The following MYO18B variants were observed in gnomAD, a reference collection of about 807,000 sequenced individuals.
MYO18B encodes myosin XVIIIB.
In MYO18B, 204 loss-of-function variants were observed where a neutral mutation model predicts 273.0. That is an observed-to-expected ratio of 0.75 (90% CI 0.67 to 0.84). MYO18B has a LOEUF of 0.84. Ranked by LOEUF, MYO18B falls within the 40% of genes least tolerant of loss-of-function variation. MYO18B has a pLI of 0.00. For missense variants in MYO18B, 3,212 were observed against 3,287.6 expected, an observed-to-expected ratio of 0.98 and a Z score of 0.56; for synonymous variants, 1,330 against 1,305.7, an observed-to-expected ratio of 1.02 and a Z score of -0.40.
chr22:25,987,984 G>A (rs892338101), intron 39 of MYO18B, among the ~76,000 whole-genome samples: 28 of 152,068 alleles, frequency 1.8e-4, no homozygotes, highest in African/African-American at 6.8e-4. Flanking sequence ...AATCTCTAAA[G>A]AGAGCTAATA....
intron 34 of MYO18B, among the ~76,000 whole-genome samples, chr22:25,942,639 C>T (rs139533743): frequency 2.5e-3 from 387 of 152,226 alleles, no homozygotes; most frequent in African/African-American, 8.3e-3. Context: ...TCTCAGAGTC[C>T]GCCTTTATCA....
chr22:25,838,855 G>A (rs981394501), intron 17 of MYO18B, among the ~76,000 whole-genome samples: 5 of 144,096 alleles, frequency 3.5e-5, no homozygotes, highest in Non-Finnish European at 7.5e-5. Flanking sequence ...ATATGTGTAT[G>A]TGTGTGAACA....
the MYO18B span, among the ~76,000 whole-genome samples, chr22:26,040,621 G>C: frequency 6.6e-5 from 10 of 152,286 alleles, no homozygotes; most frequent in East Asian, 9.6e-4. Context: ...GCAGGAGAAG[G>C]CCTCCTTGGG....
At chr22:26,002,033 A>C (rs1159080688) in intron 40 of MYO18B, among the ~76,000 whole-genome samples, 2 of 152,214 alleles carry the variant, frequency 1.3e-5, no homozygotes, top group Non-Finnish European at 2.9e-5. Flanking sequence ...CCTGTACAGA[A>C]ACATATTCCC....
chr22:25,835,939 C>T (rs549144460), intron 17 of MYO18B, among the ~76,000 whole-genome samples: 5 of 152,306 alleles, frequency 3.3e-5, no homozygotes, highest in Admixed American at 3.3e-4. Context: ...TGAAGGATTC[C>T]AGGCAGTGGG....
intron 34 of MYO18B, among the ~76,000 whole-genome samples, chr22:25,928,534 C>T (rs960945893): frequency 3.3e-5 from 5 of 152,082 alleles, no homozygotes; most frequent in Non-Finnish European, 4.4e-5. Context: ...GGGCAGGCAC[C>T]CCCTCTGTTC....
In MYO18B at chr22:25,843,773, T is replaced by C; in HGVS notation, c.3247T>C (p.Cys1083Arg). 1.2e-6 allele frequency: 2 copies of C among 1,613,860 alleles called. No individual in the cohort carries two copies. Among genetic ancestry groups the C allele is most frequent in the Non-Finnish European group, 1.7e-6 (2 of 1,179,784 alleles). Residue 1083 changes from cysteine to arginine, a missense_variant, in exon 18 of 44, where the codon TGT becomes CGT. Transcript: ENST00000335473. ...ALRTCEQPLQ[C>R]EIFHQLGWDP... ...GCGGACCTGTGAGCAGCCCCTCCAG[T>C]GTGAGATTTTCCACCAGTTGGGATG...
intron 39 of MYO18B, among the ~76,000 whole-genome samples, chr22:25,965,385 TAGG>T (rs2092966670): frequency 6.6e-6 from 1 of 152,154 alleles, no homozygotes; most frequent in African/African-American, 2.4e-5. Context: ...AGGAGATGAT[TAGG>T]AGATGAATTT....
chr22:25,938,415 C>A (rs1241594986), intron 34 of MYO18B, among the ~76,000 whole-genome samples: 2 of 152,282 alleles, frequency 1.3e-5, no homozygotes, highest in East Asian at 3.9e-4. Flanking sequence ...GGAACAGAGA[C>A]TAGTGTGTAG....
chr22:26,055,296 A>G, the MYO18B span, among the ~76,000 whole-genome samples: 2 of 152,194 alleles, frequency 1.3e-5, no homozygotes, highest in Non-Finnish European at 2.9e-5. Context: ...GGGAGAAACT[A>G]TCATCTATCT....
the MYO18B span, among the ~76,000 whole-genome samples, chr22:26,047,721 TAACTTGAAA>T: frequency 6.6e-6 from 1 of 152,174 alleles, no homozygotes; most frequent in Non-Finnish European, 1.5e-5. Flanking sequence ...ATATATAAAA[TAACTTGAAA>T]ATATTTCATT....
At chr22:25,788,037 T>C (rs1260500846) in intron 11 of MYO18B, among the ~76,000 whole-genome samples, 1 of 152,206 alleles carries the variant, frequency 6.6e-6, no homozygotes, top group Non-Finnish European at 1.5e-5. Flanking sequence ...CATAAAGCCA[T>C]TGGTCACAGC....
intron 21 of MYO18B, among the ~76,000 whole-genome samples, chr22:25,866,167 C>G (rs569087539): frequency 6.8e-6 from 1 of 146,372 alleles, no homozygotes; most frequent in African/African-American, 2.5e-5. Context: ...CTCATAATAC[C>G]TTTTGCTTCC....
chr22:26,023,316 T>C (rs982885734), intron 42 of MYO18B, among the ~76,000 whole-genome samples: 6 of 152,228 alleles, frequency 3.9e-5, no homozygotes, highest in Non-Finnish European at 8.8e-5. Flanking sequence ...TCGACAGCAT[T>C]TGCTGAGCAT....
At chr22:25,842,772 G>A (rs1210103265) in intron 17 of MYO18B, among the ~76,000 whole-genome samples, 1 of 151,932 alleles carries the variant, frequency 6.6e-6, no homozygotes, top group Non-Finnish European at 1.5e-5. Flanking sequence ...AATAGTTAGA[G>A]TAATATTATA....
chr22:26,020,525 A>C (rs1935720221), intron 42 of MYO18B, among the ~76,000 whole-genome samples: 1 of 152,204 alleles, frequency 6.6e-6, no homozygotes, highest in Non-Finnish European at 1.5e-5. Context: ...AGGTCATTAA[A>C]AGCAATCAGA....
intron 40 of MYO18B, among the ~76,000 whole-genome samples, chr22:25,996,912 C>T (rs570855702): frequency 1.3e-5 from 2 of 152,258 alleles, no homozygotes; most frequent in South Asian, 4.1e-4. Flanking sequence ...TTTCTCCTAC[C>T]TTTCTTCTCC....
At chr22:25,879,961 C>A (rs2091294471) in intron 25 of MYO18B, among the ~76,000 whole-genome samples, 1 of 152,166 alleles carries the variant, frequency 6.6e-6, no homozygotes, top group South Asian at 2.1e-4. Flanking sequence ...AGGGGGAAAT[C>A]TGTCCCCATG....
chr22:25,748,948 C>A (rs940333609), intron 1 of MYO18B, among the ~76,000 whole-genome samples: 6 of 152,222 alleles, frequency 3.9e-5, no homozygotes, highest in Non-Finnish European at 8.8e-5. Context: ...TGTATGGAAT[C>A]ATGAGTCTCT....
Sources: allele counts gnomAD v4.1 joint callset (sites outside exome capture counted in the v4.1 genomes callset), GRCh38; gene constraint gnomAD v4.1.1; transcripts MANE v1.5; gene names NCBI Gene and HGNC (gene_info 2026-07-23, HGNC 2026-07-21).